SLC38A4: variants seen among roughly 807,000 people sequenced by gnomAD.
SLC38A4 encodes the protein sodium-coupled neutral amino acid transporter 4.
SLC38A4 carries 20 observed loss-of-function variants against 63.1 expected under a neutral mutation model. That is an observed-to-expected ratio of 0.32 (90% CI 0.22 to 0.46). The LOEUF (loss-of-function observed/expected upper bound fraction) is 0.46, where lower values mean the gene tolerates loss of function less well. Among genes scored for constraint, SLC38A4 ranks in the 20% least tolerant of loss-of-function variants. The probability of loss-of-function intolerance (pLI) is 1.00; values close to 1 mark genes in which losing one functional copy is unlikely to be tolerated. For synonymous variants in SLC38A4, 230 were observed against 225.5 expected (o/e 1.02, Z -0.18); for missense variants, 526 against 663.6 (o/e 0.79, Z 2.28).
At chr12:46,826,507 T>C (rs897316146), upstream of SLC38A4, among the ~76,000 whole-genome samples, 1 of 152,238 alleles carries the variant, frequency 6.6e-6, no homozygotes, top group African/African-American at 2.4e-5. Flanking sequence ...GCTGTTGTTT[T>C]AAAAAGTGCC....
At chr12:46,799,535 T>G (rs189375862) in intron 2 of SLC38A4, among the ~76,000 whole-genome samples, 1 of 152,242 alleles carries the variant, frequency 6.6e-6, no homozygotes, top group East Asian at 1.9e-4. Context: ...GGTCGGAGGT[T>G]GCAGTGAGCT....
chr12:46,795,046 G>T (rs1321659760), intron 2 of SLC38A4, among the ~76,000 whole-genome samples: 1 of 151,572 alleles, frequency 6.6e-6, no homozygotes, highest in Admixed American at 6.6e-5. Context: ...TCTTCACACA[G>T]TACCAGTCTC....
At chr12:46,803,865 A>T (rs2191162) in intron 1 of SLC38A4, 71 bp from the exon 2 acceptor site, 1 of 151,742 alleles carries the variant, frequency 6.6e-6, no homozygotes, top group Non-Finnish European at 1.5e-5. Context: ...CAGTTACACC[A>T]ATTTCTATTT....
Position 46,766,297 on chromosome 12 carries a change from C to T in SLC38A4, c.*404G>A, listed in dbSNP as rs1187711447. ...AATGGTGATAGCTTTGCCACCAGGG[C>T]ATTTTTGTTTGATGTTCTGAGAATG... On this transcript the variant is annotated 3_prime_UTR_variant, in exon 17 of 17. Coordinates refer to ENST00000266579, the MANE Select transcript of SLC38A4 (RefSeq NM_018018.5). The T allele has an allele frequency of 9.1e-6, 4 of 440,486 alleles. No individual in the cohort carries two copies. Among genetic ancestry groups the T allele is most frequent in the Admixed American group, 2.4e-5 (1 of 41,480 alleles). The allele number at this position is 440,486 out of a possible 1,614,324, so 27.3% of individuals were successfully genotyped here.
At position 46,831,512 on chromosome 12, in the gene SLC38A4, C is replaced by G. The variant is rs112009300; in HGVS notation, c.-108+815G>C. On this transcript the variant is annotated intron_variant, in intron 1 of 6. Transcript: ENST00000546940. ...CCCTTCACTCCAGCGCGCAGCAGGCCGGGCAATCCGACCGCGCGGTAAGCC... is the reference window on the plus strand; with the variant it reads ...CCCTTCACTCCAGCGCGCAGCAGGCGGGGCAATCCGACCGCGCGGTAAGCC... 8.1e-4 allele frequency among the ~76,000 whole-genome samples: 123 copies of G among 152,336 alleles called. 2 individuals carry two copies. Among genetic ancestry groups the G allele is most frequent in the African/African-American group, 2.7e-3 (114 of 41,586 alleles).
chr12:46,822,823 T>G (rs886625531), intron 1 of SLC38A4, among the ~76,000 whole-genome samples: 5 of 152,150 alleles, frequency 3.3e-5, no homozygotes, highest in South Asian at 2.1e-4. Context: ...ACTACCAGAT[T>G]AAGAAGTTTA....
chr12:46,811,919 A>T (rs1339022508), intron 1 of SLC38A4, among the ~76,000 whole-genome samples: 1 of 152,054 alleles, frequency 6.6e-6, no homozygotes, highest in African/African-American at 2.4e-5. Context: ...TGAATATTTA[A>T]CTATAGAAAT....
intron 2 of SLC38A4, among the ~76,000 whole-genome samples, chr12:46,795,679 T>C (rs1938988083): frequency 6.6e-6 from 1 of 152,174 alleles, no homozygotes; most frequent in Non-Finnish European, 1.5e-5. Context: ...TGGAAAATTC[T>C]TTATTTTGCC....
Position 46,766,312 on chromosome 12 carries a change from T to C in SLC38A4, c.*389A>G, listed in dbSNP as rs576342712. 2.2e-6 allele frequency: 1 copy of C among 446,942 alleles called. No individual in the cohort carries two copies. Among genetic ancestry groups the C allele is most frequent in the Non-Finnish European group, 4.5e-6 (1 of 221,068 alleles). The allele number at this position is 446,942 out of a possible 1,614,324, so 27.7% of individuals were successfully genotyped here. A position where few individuals can be genotyped will look rare whatever the true frequency, so the allele number is the denominator to read the frequency against. On this transcript the variant is annotated 3_prime_UTR_variant, in exon 17 of 17. Transcript: ENST00000266579. ...GCCACCAGGGCATTTTTGTTTGATG[T>C]TCTGAGAATGCAAATGTTTGGTACT...
At chr12:46,830,960 C>T (rs548937210), upstream of SLC38A4, among the ~76,000 whole-genome samples, 1 of 152,358 alleles carries the variant, frequency 6.6e-6, no homozygotes, top group African/African-American at 2.4e-5. Flanking sequence ...CACTCCTCTG[C>T]AAATGCCCTG....
At chr12:46,774,973 T>C in intron 14 of SLC38A4, 76 bp downstream of exon 14, 1 of 1,510,484 alleles carries the variant, frequency 6.6e-7, no homozygotes, top group Non-Finnish European at 9.0e-7. Context: ...TATAATTAAA[T>C]CAAAATGAAG....
At chr12:46,786,745 T>C (rs933166435) in intron 5 of SLC38A4, among the ~76,000 whole-genome samples, 5 of 152,166 alleles carry the variant, frequency 3.3e-5, no homozygotes, top group Non-Finnish European at 5.9e-5. Context: ...TGAAGAATAT[T>C]ATACATAAAA....
At chr12:46,783,928 G>A (rs545535788) in intron 7 of SLC38A4, among the ~76,000 whole-genome samples, 53 of 151,970 alleles carry the variant, frequency 3.5e-4, no homozygotes, top group Non-Finnish European at 6.5e-4. Context: ...ACACCAACGA[G>A]AGAACATTGT....
Position 46,769,407 on chromosome 12 carries a change from G to C in SLC38A4, c.1321C>G (p.Leu441Val). The C allele has an allele frequency of 6.2e-7, 1 of 1,613,336 alleles. No homozygotes were observed. The highest frequency in any genetic ancestry group is 8.5e-7 in the Non-Finnish European group (1 of 1,179,442). ...LFPIRTSVIT[L>V]LFPKRPFSWI... ...CTGAAGGGTCGTTTGGGAAATAACA[G>C]TGTGATCACTGATGTACGAATCTTA... The change falls in exon 15 of 17, where the codon CTG becomes GTG. Residue 441 changes from leucine to valine, a missense_variant. Leu to Val is a conservative substitution (Grantham distance 32). Transcript: ENST00000266579.
At chr12:46,777,127 A>G (rs2430922) in intron 12 of SLC38A4, 123 bp from the exon 13 acceptor site, 236,829 of 752,488 alleles carry the variant, frequency 0.31, 42,061 homozygotes, top group Non-Finnish European at 0.37. Flanking sequence ...TATTTAGTAC[A>G]TAAACTTATA....
At chr12:46,799,813 A>T (rs2120854484) in intron 2 of SLC38A4, among the ~76,000 whole-genome samples, 1 of 152,276 alleles carries the variant, frequency 6.6e-6, no homozygotes, top group South Asian at 2.1e-4. Context: ...AAGCCTTTAG[A>T]CTATATCATA....
chr12:46,772,528 G>A (rs939341860), intron 14 of SLC38A4, among the ~76,000 whole-genome samples: 3 of 151,998 alleles, frequency 2.0e-5, no homozygotes, highest in South Asian at 4.1e-4. Context: ...CTGGAAGGAG[G>A]TGCCATTCCA....
At chr12:46,829,735 T>C (rs988529062), upstream of SLC38A4, among the ~76,000 whole-genome samples, 2 of 152,194 alleles carry the variant, frequency 1.3e-5, no homozygotes, top group African/African-American at 4.8e-5. Context: ...TAGTCTGTAA[T>C]AGAATAAGAA....
At chr12:46,791,676 A>G (rs1938891540) in intron 3 of SLC38A4, among the ~76,000 whole-genome samples, 1 of 152,202 alleles carries the variant, frequency 6.6e-6, no homozygotes, top group Admixed American at 6.5e-5. Flanking sequence ...TGCACTCACT[A>G]TGCACCAGAC....
Sources: allele counts gnomAD v4.1 joint callset (sites outside exome capture counted in the v4.1 genomes callset), GRCh38; gene constraint gnomAD v4.1.1; transcripts MANE v1.5; gene names NCBI Gene and HGNC (gene_info 2026-07-23, HGNC 2026-07-21).